Variants in ANO2 observed in about 807,000 individuals in gnomAD.
ANO2 encodes the protein anoctamin 2.
A neutral mutation model predicts 124.2 loss-of-function variants in ANO2; 101 were observed. That is an observed-to-expected ratio of 0.81 (90% confidence interval 0.69 to 0.96). The LOEUF (loss-of-function observed/expected upper bound fraction) is 0.96. Ranked by LOEUF, ANO2 falls within the 40% of genes least tolerant of loss-of-function variation. The probability of loss-of-function intolerance (pLI) is 0.00; values close to 1 mark genes in which losing one functional copy is unlikely to be tolerated. For missense variants in ANO2, 1,293 were observed against 1,274.5 expected, an observed-to-expected ratio of 1.01 and a Z score of -0.22; for synonymous variants, 486 against 482.5, an observed-to-expected ratio of 1.01 and a Z score of -0.09.
At chr12:5,865,243 G>A (rs1179116849) in intron 3 of ANO2, among the ~76,000 whole-genome samples, 1 of 152,176 alleles carries the variant, frequency 6.6e-6, no homozygotes, top group Non-Finnish European at 1.5e-5. Context: ...GCTTGGCAAT[G>A]TGCTAAGAGT....
intron 4 of ANO2, among the ~76,000 whole-genome samples, chr12:5,849,857 T>C (rs765387413): frequency 6.6e-6 from 1 of 152,068 alleles, no homozygotes; most frequent in South Asian, 2.1e-4. Context: ...TCAGCAAATG[T>C]GGTTTTTTTC....
intron 23 of ANO2, among the ~76,000 whole-genome samples, chr12:5,567,958 T>C (rs1224884956): frequency 6.6e-6 from 1 of 152,216 alleles, no homozygotes; most frequent in Non-Finnish European, 1.5e-5. Context: ...TCTGTTCACA[T>C]TTCTTTCCAA....
rs752204027 is a variant in ANO2 at position 5,921,263 on chromosome 12, G to T, written c.311C>A (p.Ala104Asp). ...CACCCCGCGTTTCCGGTAGTGGTAG[G>T]CAAGTACATAGTCGACCTTCCTCTG... ...DSQRKVDYVL[A>D]YHYRKRGVHL... The change falls in exon 3 of 25, where the codon GCC becomes GAC. Residue 104 changes from alanine to aspartate, a missense_variant. Coordinates refer to ENST00000682330, the MANE Select transcript of ANO2 (RefSeq NM_001364791.2). 1.2e-6 allele frequency: 2 copies of T among 1,613,884 alleles called. No individual in the cohort carries two copies.
chr12:5,809,330 A>G (rs563641532), intron 7 of ANO2, among the ~76,000 whole-genome samples: 46 of 133,364 alleles, frequency 3.4e-4, no homozygotes, highest in African/African-American at 1.4e-3. Flanking sequence ...GTTAAAAGCT[A>G]AAGCTACAAA....
At chr12:5,848,553 T>C (rs1292862888) in intron 4 of ANO2, among the ~76,000 whole-genome samples, 1 of 152,202 alleles carries the variant, frequency 6.6e-6, no homozygotes, top group Non-Finnish European at 1.5e-5. Context: ...TCCCTTAAAA[T>C]GGGTGCCTTC....
intron 3 of ANO2, among the ~76,000 whole-genome samples, chr12:5,920,529 C>G (rs919765552): frequency 7.9e-5 from 12 of 152,262 alleles, no homozygotes; most frequent in African/African-American, 2.9e-4. Flanking sequence ...ATCAGGACCA[C>G]TAGCAACACA....
chr12:5,725,073 A>G (rs1037175140), intron 14 of ANO2, among the ~76,000 whole-genome samples: 2 of 146,604 alleles, frequency 1.4e-5, no homozygotes, highest in Admixed American at 7.1e-5. Context: ...TCACTCAGAC[A>G]TGGTCCCTCT....
intron 23 of ANO2, among the ~76,000 whole-genome samples, chr12:5,566,760 G>T (rs574882169): frequency 6.6e-6 from 1 of 152,354 alleles, no homozygotes; most frequent in South Asian, 2.1e-4. Flanking sequence ...GCTTGGAGAA[G>T]TTGAAGTGTG....
At chr12:5,576,945 T>A (rs928206230) in intron 22 of ANO2, among the ~76,000 whole-genome samples, 6 of 152,160 alleles carry the variant, frequency 3.9e-5, no homozygotes, top group Admixed American at 6.5e-5. Flanking sequence ...TCCCAAATGA[T>A]CTTATTTGGT....
chr12:5,673,986 G>A (rs1368343744), intron 14 of ANO2, among the ~76,000 whole-genome samples: 1 of 152,130 alleles, frequency 6.6e-6, no homozygotes, highest in Admixed American at 6.6e-5. Context: ...CTCCTCTTCT[G>A]GTTCTCTGAG....
At chr12:5,732,480 CA>C in intron 14 of ANO2, 39 bp downstream of exon 14, 3 of 1,549,870 alleles carry the variant, frequency 1.9e-6, no homozygotes. Context: ...AGGATCTCAA[CA>C]AGTAAAGAGG....
At chr12:5,759,643 G>C (rs530159788) in intron 10 of ANO2, among the ~76,000 whole-genome samples, 1 of 149,560 alleles carries the variant, frequency 6.7e-6, no homozygotes, top group Non-Finnish European at 1.5e-5. Context: ...AGAATCTAAT[G>C]CCTGATGATC....
intron 4 of ANO2, among the ~76,000 whole-genome samples, chr12:5,833,559 G>T (rs1465223779): frequency 6.6e-6 from 1 of 152,158 alleles, no homozygotes; most frequent in Non-Finnish European, 1.5e-5. Flanking sequence ...AATCCCCGGG[G>T]CCACAAACTG....
In ANO2 at chr12:5,642,082, T is replaced by G. The variant is rs561241388; in HGVS notation, c.1620+5645A>C. 3.3e-5 allele frequency among the ~76,000 whole-genome samples: 5 copies of G among 152,318 alleles called. 1 individual carries two copies. The highest frequency in any genetic ancestry group is 6.8e-3 in the Middle Eastern group (2 of 294). Reference sequence around the variant, plus strand: ...TTCAGTCCTCTCCTTGCCTGACTTATCAGTGGCATCTAATACAATTGATTG... The same window carrying G: ...TTCAGTCCTCTCCTTGCCTGACTTAGCAGTGGCATCTAATACAATTGATTG... On this transcript the variant is annotated intron_variant, in intron 15 of 24. Transcript: ENST00000682330.
chr12:5,764,741 G>A (rs1047905902), intron 10 of ANO2, among the ~76,000 whole-genome samples: 3 of 147,094 alleles, frequency 2.0e-5, no homozygotes, highest in African/African-American at 7.6e-5. Flanking sequence ...CTCTGAAGCT[G>A]TACCACCACA....
rs1033599560 is a variant in ANO2, at chr12:5,576,154, C to A, written c.2440-139G>T. On this transcript the variant is annotated intron_variant, in intron 22 of 24. Transcript: ENST00000682330. ...GCATGATCAGGTCCCTGAGCTCATGCAGCTGAGTCACATGCCTTTTCCATC... is the reference window on the plus strand; with the variant it reads ...GCATGATCAGGTCCCTGAGCTCATGAAGCTGAGTCACATGCCTTTTCCATC... The A allele has an allele frequency of 7.3e-6, 6 of 823,344 alleles. No individual in the cohort carries two copies. The Admixed American group carries it at 1.7e-4, about 23-fold the overall frequency. 51.0% of individuals were successfully genotyped at this position (823,344 alleles called of 1,614,324 possible).
At chr12:5,683,168 T>C (rs1380961558) in intron 14 of ANO2, among the ~76,000 whole-genome samples, 4 of 152,126 alleles carry the variant, frequency 2.6e-5, no homozygotes, top group African/African-American at 9.7e-5. Flanking sequence ...CTGCCCCCTA[T>C]TATCATCATA....
intron 13 of ANO2, among the ~76,000 whole-genome samples, chr12:5,738,597 G>C (rs1457708861): frequency 1.3e-5 from 2 of 152,190 alleles, no homozygotes; most frequent in East Asian, 3.9e-4. Context: ...AAGAAGAGGG[G>C]AGGAGGGCTG....
chr12:5,742,116 C>A (rs771704489), intron 12 of ANO2, among the ~76,000 whole-genome samples: 4 of 152,276 alleles, frequency 2.6e-5, no homozygotes, highest in Non-Finnish European at 4.4e-5. Flanking sequence ...CCCAAGACCT[C>A]CTGACTCCAC....
Sources: gnomAD v4.1 joint callset for allele counts (sites outside exome capture counted in the v4.1 genomes callset) on GRCh38, gnomAD v4.1.1 for gene constraint, MANE v1.5 for transcripts, NCBI Gene and HGNC (gene_info 2026-07-23, HGNC 2026-07-21) for gene names.